The following NALF1 variants were observed in gnomAD, a reference collection of about 807,000 sequenced individuals.
NALF1 encodes the protein family with sequence similarity 155 member A.
A neutral mutation model predicts 48.4 loss-of-function variants in NALF1; 3 were observed. That is an observed-to-expected ratio of 0.06 (90% CI 0.03 to 0.16). The LOEUF (loss-of-function observed/expected upper bound fraction) is 0.16. Ranked by LOEUF, NALF1 falls within the 10% of genes least tolerant of loss-of-function variation. The pLI, the probability that NALF1 is intolerant of heterozygous loss-of-function variation, is 1.00. For synonymous variants in NALF1, 262 were observed against 245.7 expected (o/e 1.07, Z -0.62); for missense variants, 526 against 571.5 (o/e 0.92, Z 0.81).
intron 1 of NALF1, among the ~76,000 whole-genome samples, chr13:107,727,037 C>T (rs539858508): frequency 6.7e-6 from 1 of 148,312 alleles, no homozygotes; most frequent in Non-Finnish European, 1.5e-5. Flanking sequence ...GTCTCGAACT[C>T]CTGACCTCAT....
intron 1 of NALF1, among the ~76,000 whole-genome samples, chr13:107,296,791 T>G (rs560265542): frequency 6.6e-6 from 1 of 151,914 alleles, no homozygotes; most frequent in African/African-American, 2.4e-5. Context: ...ATATATATAT[T>G]TTTCAGAGTG....
Position 107,425,193 on chromosome 13 carries a change from C to G in NALF1, c.916-214438G>C, listed in dbSNP as rs370590007. The stretch of plus-strand genomic sequence containing the variant: ...CCCTCGCCAAAGGTGAAGTTTGGAG[C>G]TATGGGTTGAAGCAATATGCAAAAC... On this transcript the variant is annotated intron_variant, in intron 1 of 2. Transcript: ENST00000375915. Among the ~76,000 whole-genome samples, 5 of 152,294 alleles carry G rather than the reference C, an allele frequency of 3.3e-5. No homozygotes were observed. The East Asian group carries it at 9.7e-4, about 29-fold the overall frequency.
At chr13:107,553,901 A>G (rs1457211150) in intron 1 of NALF1, among the ~76,000 whole-genome samples, 1 of 124,328 alleles carries the variant, frequency 8.0e-6, no homozygotes, top group Admixed American at 9.7e-5. Flanking sequence ...TTAGTTAAGT[A>G]AGTGCCTGGC....
chr13:107,603,445 T>A (rs573277821), intron 1 of NALF1, among the ~76,000 whole-genome samples: 1 of 152,316 alleles, frequency 6.6e-6, no homozygotes, highest in Non-Finnish European at 1.5e-5. Flanking sequence ...TGAGTTATTG[T>A]TTTTAGAGAT....
chr13:107,684,742 AT>A (rs1881391885), intron 1 of NALF1, among the ~76,000 whole-genome samples: 1 of 152,214 alleles, frequency 6.6e-6, no homozygotes, highest in Admixed American at 6.5e-5. Context: ...ACAATGAGGA[AT>A]TTTGGGAAAA....
At chr13:107,203,550 G>A (rs563108642) in intron 2 of NALF1, among the ~76,000 whole-genome samples, 7 of 152,266 alleles carry the variant, frequency 4.6e-5, no homozygotes, top group African/African-American at 1.4e-4. Context: ...CAAGGTCAGC[G>A]AGTGACATCT....
At chr13:107,497,020 C>A (rs1386902079) in intron 1 of NALF1, among the ~76,000 whole-genome samples, 2 of 152,122 alleles carry the variant, frequency 1.3e-5, no homozygotes, top group Non-Finnish European at 2.9e-5. Context: ...TCTACTGGAG[C>A]ATGGACAGAA....
At chr13:107,349,540 A>AAG in intron 1 of NALF1, among the ~76,000 whole-genome samples, 1 of 152,068 alleles carries the variant, frequency 6.6e-6, no homozygotes, top group East Asian at 1.9e-4. Context: ...CAGGAGATCG[A>AAG]GACCATCCTG....
chr13:107,823,343 G>A (rs545244879), intron 1 of NALF1, among the ~76,000 whole-genome samples: 1 of 152,098 alleles, frequency 6.6e-6, no homozygotes. Flanking sequence ...TCTCACCTGG[G>A]TAAGTCCAAT....
In NALF1 at chr13:107,803,185, C is replaced by T. The variant is rs568601835; in HGVS notation, c.915+62497G>A. On this transcript the variant is annotated intron_variant, in intron 1 of 2. Coordinates refer to ENST00000375915, the MANE Select transcript of NALF1 (RefSeq NM_001080396.3). ...CCCTCTCTGAAGGAAGGTAGCTGAG[C>T]TGTGCCTATTATTTGAAAGAAGCGA... 2.1e-4 allele frequency among the ~76,000 whole-genome samples: 32 copies of T among 152,264 alleles called. No homozygotes were observed. The South Asian group carries it at 6.2e-3, about 30-fold the overall frequency.
chr13:107,839,690 A>AC (rs1035233030), intron 1 of NALF1, among the ~76,000 whole-genome samples: 61 of 149,784 alleles, frequency 4.1e-4, no homozygotes, highest in African/African-American at 1.5e-3. Flanking sequence ...TAAGAAAAAA[A>AC]AACTCTTAAG....
At chr13:107,756,744 G>C (rs1323447000) in intron 1 of NALF1, among the ~76,000 whole-genome samples, 1 of 152,208 alleles carries the variant, frequency 6.6e-6, no homozygotes, top group East Asian at 1.9e-4. Context: ...AAAAGAGGGT[G>C]TGTGCTCAAT....
intron 1 of NALF1, among the ~76,000 whole-genome samples, chr13:107,277,115 A>G (rs911672774): frequency 2.0e-5 from 3 of 152,162 alleles, no homozygotes; most frequent in African/African-American, 7.2e-5. Flanking sequence ...GTTTTCTTCA[A>G]CTGTGACTCA....
intron 1 of NALF1, among the ~76,000 whole-genome samples, chr13:107,773,161 G>C (rs1877626365): frequency 6.6e-6 from 1 of 152,114 alleles, no homozygotes; most frequent in South Asian, 2.1e-4. Context: ...TGTGTTGTTA[G>C]AAGCTAGTTG....
intron 1 of NALF1, among the ~76,000 whole-genome samples, chr13:107,418,095 C>T (rs188516931): frequency 6.6e-6 from 1 of 152,210 alleles, no homozygotes; most frequent in East Asian, 1.9e-4. Flanking sequence ...AATACATGGG[C>T]TTAAATAGAA....
At chr13:107,829,006 A>G (rs1879621220) in intron 1 of NALF1, among the ~76,000 whole-genome samples, 1 of 152,164 alleles carries the variant, frequency 6.6e-6, no homozygotes, top group Non-Finnish European at 1.5e-5. Flanking sequence ...ACCTGTATCC[A>G]TTGTCTATCT....
At chr13:107,772,440 A>G (rs1195708013) in intron 1 of NALF1, among the ~76,000 whole-genome samples, 1 of 152,168 alleles carries the variant, frequency 6.6e-6, no homozygotes, top group Non-Finnish European at 1.5e-5. Flanking sequence ...ATGTGAAAAA[A>G]ACAAAATCTT....
intron 1 of NALF1, among the ~76,000 whole-genome samples, chr13:107,712,927 G>A (rs1411009477): frequency 1.3e-5 from 2 of 152,174 alleles, no homozygotes; most frequent in Non-Finnish European, 2.9e-5. Context: ...GAGTCTGAGG[G>A]TCCACCAGGT....
intron 1 of NALF1, among the ~76,000 whole-genome samples, chr13:107,505,593 T>C (rs1308072849): frequency 6.6e-6 from 1 of 152,096 alleles, no homozygotes; most frequent in African/African-American, 2.4e-5. Context: ...ATGCGTGGCC[T>C]GACAACCGGG....
Sources: allele counts gnomAD v4.1 joint callset (sites outside exome capture counted in the v4.1 genomes callset), GRCh38; gene constraint gnomAD v4.1.1; transcripts MANE v1.5; gene names NCBI Gene and HGNC (gene_info 2026-07-23, HGNC 2026-07-21).